Variants in GHR observed in about 807,000 individuals in gnomAD.
The protein encoded by GHR is growth hormone receptor.
A neutral mutation model predicts 67.1 loss-of-function variants in GHR; 35 were observed. That is an observed-to-expected ratio of 0.52 (90% CI 0.40 to 0.69). The LOEUF (loss-of-function observed/expected upper bound fraction) is 0.69. GHR is among the 30% of genes least tolerant of loss of function. GHR has a pLI of 0.00. For missense variants in GHR, 792 were observed against 764.6 expected (o/e 1.04, Z -0.42); for synonymous variants, 272 against 269.1 (o/e 1.01, Z -0.10).
chr5:42,469,354 C>T (rs2972413), intron 1 of GHR, among the ~76,000 whole-genome samples: 34,732 of 152,068 alleles, frequency 0.23, 4,424 homozygotes, highest in African/African-American at 0.32. Flanking sequence ...ATACAAGAGA[C>T]AGTATAATTA....
At chr5:42,638,759 A>G (rs1271280317) in intron 3 of GHR, among the ~76,000 whole-genome samples, 2 of 152,234 alleles carry the variant, frequency 1.3e-5, no homozygotes, top group Non-Finnish European at 2.9e-5. Context: ...TTCTGTTTGC[A>G]GCATTGATAT....
intron 1 of GHR, among the ~76,000 whole-genome samples, chr5:42,478,664 C>A (rs1176710856): frequency 6.6e-6 from 1 of 152,150 alleles, no homozygotes; most frequent in African/African-American, 2.4e-5. Context: ...TGGGAGTTCA[C>A]TCATGATTTG....
chr5:42,424,490 GCGCGCAGAGC>G lies in GHR; in HGVS notation c.-12+536_-12+545del. 9.8e-7 allele frequency: 1 copy of G among 1,023,460 alleles called. No homozygotes were observed. Among genetic ancestry groups the G allele is most frequent in the South Asian group, 1.4e-5 (1 of 73,670 alleles). The allele number at this position is 1,023,460 out of a possible 1,614,324, so 63.4% of individuals were successfully genotyped here. On this transcript the variant is annotated intron_variant, in intron 1 of 9. Coordinates refer to ENST00000230882, the MANE Select transcript of GHR (RefSeq NM_000163.5). The surrounding 1 kb of genome is among the most constrained non-coding windows in gnomAD (Gnocchi z 4.1). ...AGGTCGAGCTGTGCGCGTGGACACA[GCGCGCAGAGC>G]GCGCGGTCTTTTGCGCGTTTGTGCG...
intron 1 of GHR, among the ~76,000 whole-genome samples, chr5:42,563,218 G>GA (rs1229993823): frequency 6.6e-6 from 1 of 152,196 alleles, no homozygotes; most frequent in Non-Finnish European, 1.5e-5. Context: ...TCTGGCATTG[G>GA]AATAGCAGGT....
chr5:42,703,180 A>G (rs1199784089), intron 6 of GHR, among the ~76,000 whole-genome samples: 1 of 152,008 alleles, frequency 6.6e-6, no homozygotes, highest in Non-Finnish European at 1.5e-5. Context: ...CAGTAGTTGT[A>G]CAGTTTCAGG....
chr5:42,652,073 T>C (rs2112827028), intron 3 of GHR, among the ~76,000 whole-genome samples: 1 of 152,294 alleles, frequency 6.6e-6, no homozygotes, highest in Admixed American at 6.5e-5. Context: ...TTCAAAAGTA[T>C]AATCTGATAC....
At chr5:42,605,239 G>T (rs940158727) in intron 2 of GHR, among the ~76,000 whole-genome samples, 1 of 151,744 alleles carries the variant, frequency 6.6e-6, no homozygotes, top group Non-Finnish European at 1.5e-5. Context: ...GAGTAGCTGG[G>T]ATTACAGGCA....
chr5:42,516,751 G>A (rs747097119), intron 1 of GHR, among the ~76,000 whole-genome samples: 3 of 152,158 alleles, frequency 2.0e-5, no homozygotes, highest in Non-Finnish European at 4.4e-5. Context: ...CCATCAGCAA[G>A]ACGGTTGGAA....
At chr5:42,492,193 A>G (rs1028934385) in intron 1 of GHR, among the ~76,000 whole-genome samples, 12 of 152,204 alleles carry the variant, frequency 7.9e-5, no homozygotes, top group Admixed American at 7.9e-4. Flanking sequence ...TCAAACTACT[A>G]GATTGTGACC....
At chr5:42,426,839 C>G (rs1251107863) in intron 1 of GHR, among the ~76,000 whole-genome samples, 2 of 152,068 alleles carry the variant, frequency 1.3e-5, no homozygotes, top group Non-Finnish European at 2.9e-5. Flanking sequence ...ATGATAATTA[C>G]TTTAGAGGTA....
rs36088008 is a variant in GHR at position 42,475,434 on chromosome 5, AT to A, written c.-12+51487del. On this transcript the variant is annotated intron_variant, in intron 1 of 9. Coordinates refer to ENST00000230882, the MANE Select transcript of GHR (RefSeq NM_000163.5). ...ACCCTGCTAATGTGTTATTATGGTC[AT>A]TTTTTTTATAAAAATTGCAAAACAT... Among the ~76,000 whole-genome samples, 31 of 151,594 alleles carry A rather than the reference AT, an allele frequency of 2.0e-4. No individual in the cohort carries two copies. In the East Asian group the frequency reaches 5.4e-3, roughly 26 times the overall value.
Position 42,554,856 on chromosome 5 carries a change from T to A in GHR, c.-11-11008T>A, listed in dbSNP as rs958988792. ...TACATTATTAAAATTAATATATCAA[T>A]TTTTAACTTTTTTAATGCAGTTGCT... On this transcript the variant is annotated intron_variant, in intron 1 of 9. Transcript: ENST00000230882. 1.8e-4 allele frequency among the ~76,000 whole-genome samples: 27 copies of A among 152,332 alleles called. No individual in the cohort carries two copies. The East Asian group carries it at 3.3e-3, about 18-fold the overall frequency.
At chr5:42,477,453 G>T (rs1181999308) in intron 1 of GHR, among the ~76,000 whole-genome samples, 1 of 152,122 alleles carries the variant, frequency 6.6e-6, no homozygotes, top group Non-Finnish European at 1.5e-5. Flanking sequence ...CTGAGGAATC[G>T]CCACACTGAC....
chr5:42,464,381 T>C (rs1744636971), intron 1 of GHR, among the ~76,000 whole-genome samples: 1 of 152,224 alleles, frequency 6.6e-6, no homozygotes, highest in Non-Finnish European at 1.5e-5. Flanking sequence ...ATTTTACTTT[T>C]GAAATTTTGG....
At chr5:42,470,606 C>T (rs902574859) in intron 1 of GHR, among the ~76,000 whole-genome samples, 1 of 152,134 alleles carries the variant, frequency 6.6e-6, no homozygotes, top group African/African-American at 2.4e-5. Context: ...TTGATTAGCA[C>T]TAATCACCAC....
chr5:42,712,632 T>A (rs1461716500), intron 7 of GHR, among the ~76,000 whole-genome samples: 1 of 152,060 alleles, frequency 6.6e-6, no homozygotes, highest in African/African-American at 2.4e-5. Flanking sequence ...TTAAGGTAAA[T>A]TTCATCTGTC....
chr5:42,479,690 T>G (rs2112145114), intron 1 of GHR, among the ~76,000 whole-genome samples: 1 of 152,340 alleles, frequency 6.6e-6, no homozygotes, highest in Admixed American at 6.5e-5. Context: ...TTTATAGTAT[T>G]CTCTGATGGT....
intron 3 of GHR, among the ~76,000 whole-genome samples, chr5:42,640,426 G>T (rs970402566): frequency 8.5e-5 from 13 of 152,104 alleles, no homozygotes; most frequent in Admixed American, 8.5e-4. Context: ...TATGGAATAA[G>T]GTGTTAGGTA....
rs1233256628 is a variant in GHR at position 42,424,575 on chromosome 5, A to C, written c.-12+620A>C. 3 of 1,534,448 alleles carry C rather than the reference A, an allele frequency of 2.0e-6. No individual in the cohort carries two copies. The highest frequency in any genetic ancestry group is 2.4e-5 in the South Asian group (2 of 84,034). ...ATGGAACTGGGGTCAGTAGAGTGAC[A>C]GCCACCAGTCCGCATGAACTGGGGT... On this transcript the variant is annotated intron_variant, in intron 1 of 9. Transcript: ENST00000230882. The surrounding 1 kb of genome is among the most constrained non-coding windows in gnomAD (Gnocchi z 4.1).
Sources: gnomAD v4.1 joint callset for allele counts (sites outside exome capture counted in the v4.1 genomes callset) on GRCh38, gnomAD v4.1.1 for gene constraint, Gnocchi (gnomAD v3.1) non-coding constraint, MANE v1.5 for transcripts, NCBI Gene and HGNC (gene_info 2026-07-23, HGNC 2026-07-21) for gene names.